Variants in KIF21A observed in about 807,000 individuals in gnomAD.
KIF21A encodes the protein kinesin-like protein KIF21A.
A neutral mutation model predicts 202.9 loss-of-function variants in KIF21A; 114 were observed. That is an observed-to-expected ratio of 0.56 (90% CI 0.48 to 0.66). The LOEUF (loss-of-function observed/expected upper bound fraction) is 0.66. Among genes scored for constraint, KIF21A ranks in the 30% least tolerant of loss-of-function variants. The pLI is 0.00. For missense variants in KIF21A, 1,677 were observed against 1,994.9 expected, an observed-to-expected ratio of 0.84 and a Z score of 3.04; for synonymous variants, 667 against 670.8, an observed-to-expected ratio of 0.99 and a Z score of 0.09.
intron 17 of KIF21A, 83 bp from the exon 18 acceptor site, chr12:39,333,363 A>AC (rs1946671960): frequency 1.0e-6 from 1 of 1,000,754 alleles, no homozygotes; most frequent in Admixed American, 1.8e-5. Context: ...ATTTCCCCAT[A>AC]CCCCTGGGAA....
intron 17 of KIF21A, among the ~76,000 whole-genome samples, chr12:39,335,131 G>T (rs1360729825): frequency 6.6e-6 from 1 of 152,036 alleles, no homozygotes; most frequent in Non-Finnish European, 1.5e-5. Flanking sequence ...TTAAATAAAA[G>T]AAGCCAGACA....
At chr12:39,395,282 T>C (rs1951652866) in intron 1 of KIF21A, among the ~76,000 whole-genome samples, 1 of 152,216 alleles carries the variant, frequency 6.6e-6, no homozygotes, top group Admixed American at 6.5e-5. Context: ...GACTCATTTC[T>C]GCCTTCAAAT....
chr12:39,437,123 A>T (rs75823419), intron 1 of KIF21A, among the ~76,000 whole-genome samples: 15,687 of 152,218 alleles, frequency 0.1, 1,873 homozygotes, highest in African/African-American at 0.29. Flanking sequence ...TTTGAGGAGA[A>T]ATTGATGAGA....
At chr12:39,307,765 T>C (rs975463259) in intron 33 of KIF21A, 36 bp from the exon 34 acceptor site, 1 of 1,601,582 alleles carries the variant, frequency 6.2e-7, no homozygotes, top group African/African-American at 1.3e-5. Context: ...AAGTCACACT[T>C]CTGGACTTGG....
chr12:39,301,352 T>C (rs908191287), intron 37 of KIF21A, 128 bp downstream of exon 37: 2 of 864,496 alleles, frequency 2.3e-6, no homozygotes, highest in Admixed American at 4.2e-5. Context: ...ATAAGACATC[T>C]TAAAACAGAC....
At chr12:39,402,973 T>C (rs1440887239) in intron 1 of KIF21A, among the ~76,000 whole-genome samples, 1 of 152,238 alleles carries the variant, frequency 6.6e-6, no homozygotes, top group Admixed American at 6.5e-5. Flanking sequence ...ATTGTTGTGC[T>C]GGTTCATGAA....
At chr12:39,349,550 A>G (rs368192562) in intron 11 of KIF21A, among the ~76,000 whole-genome samples, 160 of 152,136 alleles carry the variant, frequency 1.1e-3, no homozygotes, top group African/African-American at 3.5e-3. Context: ...TATCCTTCCA[A>G]ACATTTCTGG....
At chr12:39,419,021 AT>A (rs1248301961) in intron 1 of KIF21A, among the ~76,000 whole-genome samples, 2 of 152,236 alleles carry the variant, frequency 1.3e-5, no homozygotes, top group African/African-American at 2.4e-5. Flanking sequence ...TCTAACTTGC[AT>A]GTGAATTTGG....
At chr12:39,304,715 T>C (rs1400197397) in intron 35 of KIF21A, 106 bp downstream of exon 35, 1 of 696,722 alleles carries the variant, frequency 1.4e-6, no homozygotes, top group East Asian at 2.7e-5. Context: ...AAGCAAAGAC[T>C]AGAAAGGAAA....
In KIF21A at chr12:39,341,267, C is replaced by T. The variant is rs144308898; in HGVS notation, c.1922-173G>A. ...AAAGGTGAATGAGATAAAGAGTGTT[C>T]ATTTTGGTCAAGGACAATGCTATTT... is the stretch of plus-strand genomic sequence containing the variant. On this transcript the variant is annotated intron_variant, in intron 14 of 37. Coordinates refer to ENST00000361418, the MANE Select transcript of KIF21A (RefSeq NM_001173464.2). Among the ~76,000 whole-genome samples, 88 of 152,172 alleles carry T rather than the reference C, an allele frequency of 5.8e-4. 2 individuals carry two copies. In the East Asian group the frequency reaches 0.017, roughly 29 times the overall value.
At chr12:39,415,521 T>C (rs1332315287) in intron 1 of KIF21A, among the ~76,000 whole-genome samples, 2 of 152,106 alleles carry the variant, frequency 1.3e-5, no homozygotes. Flanking sequence ...CCTCCCAAAG[T>C]GCTGGGATTA....
chr12:39,422,500 TAAGAC>T (rs1954382364), intron 1 of KIF21A, among the ~76,000 whole-genome samples: 2 of 152,206 alleles, frequency 1.3e-5, no homozygotes, highest in Admixed American at 6.5e-5. Flanking sequence ...AGACTGTCAA[TAAGAC>T]AAGACAATAA....
At chr12:39,313,104 T>G (rs1331716625) in intron 31 of KIF21A, among the ~76,000 whole-genome samples, 1 of 151,918 alleles carries the variant, frequency 6.6e-6, no homozygotes, top group African/African-American at 2.4e-5. Context: ...TGGAGATTTA[T>G]TCAATAAATT....
At chr12:39,329,824 G>GTA (rs3039316) in intron 24 of KIF21A, among the ~76,000 whole-genome samples, 1,738 of 150,544 alleles carry the variant, frequency 0.012, 41 homozygotes, top group African/African-American at 0.037. Context: ...AAACAGATAA[G>GTA]TATATATATA....
intron 1 of KIF21A, among the ~76,000 whole-genome samples, chr12:39,382,996 C>T (rs1950713064): frequency 6.6e-6 from 1 of 152,116 alleles, no homozygotes; most frequent in Non-Finnish European, 1.5e-5. Context: ...CAATTCTGAC[C>T]AGTTTAATTT....
At chr12:39,428,277 G>A (rs1954916675) in intron 1 of KIF21A, among the ~76,000 whole-genome samples, 1 of 152,156 alleles carries the variant, frequency 6.6e-6, no homozygotes, top group South Asian at 2.1e-4. Context: ...GACTCAAAAG[G>A]TATTTGTTTT....
chr12:39,402,137 G>A lies in KIF21A; in HGVS notation c.45-31876C>T, dbSNP rs189808279. ...AATCTGGCTCTAAGATAAAAAGGGT[G>A]ACCGTGCCTCTTAGGAAATTTTATA... On this transcript the variant is annotated intron_variant, in intron 1 of 37. Transcript: ENST00000361418. Among the ~76,000 whole-genome samples the A allele has an allele frequency of 2.0e-5, 3 of 152,290 alleles. No individual in the cohort carries two copies. In the East Asian group the frequency reaches 5.8e-4, roughly 29 times the overall value.
chr12:39,410,276 C>G (rs151274103), intron 1 of KIF21A, among the ~76,000 whole-genome samples: 150 of 152,330 alleles, frequency 9.8e-4, no homozygotes, highest in Middle Eastern at 3.4e-3. Flanking sequence ...CAATTTTGAA[C>G]TTCTGACCTC....
At chr12:39,318,796 T>C (rs1219434572) in intron 28 of KIF21A, among the ~76,000 whole-genome samples, 1 of 151,962 alleles carries the variant, frequency 6.6e-6, no homozygotes, top group Non-Finnish European at 1.5e-5. Context: ...CTGGCTAACA[T>C]GGTGAAACCC....
Sources: allele counts gnomAD v4.1 joint callset (sites outside exome capture counted in the v4.1 genomes callset), GRCh38; gene constraint gnomAD v4.1.1; transcripts MANE v1.5; gene names NCBI Gene and HGNC (gene_info 2026-07-23, HGNC 2026-07-21).